MRPL50: variants seen among roughly 807,000 people sequenced by gnomAD.
MRPL50 encodes mitochondrial ribosomal protein L50.
MRPL50 carries 10 observed loss-of-function variants against 16.2 expected under a neutral mutation model. The observed-to-expected ratio is 0.62, with a 90% CI of 0.38 to 1.05. The LOEUF (loss-of-function observed/expected upper bound fraction) is 1.05, where lower values mean the gene tolerates loss of function less well. Ranked by LOEUF, MRPL50 falls within the 50% of genes least tolerant of loss-of-function variation. The probability of loss-of-function intolerance (pLI) is 0.01; values close to 1 mark genes in which losing one functional copy is unlikely to be tolerated. For synonymous variants in MRPL50, 68 were observed against 66.8 expected (o/e 1.02, Z -0.09); for missense variants, 213 against 187.1 (o/e 1.14, Z -0.81).
chr9:101,390,954 A>C, intron 1 of MRPL50, 104 bp from the exon 2 acceptor site: 1 of 1,219,528 alleles, frequency 8.2e-7, no homozygotes, highest in Non-Finnish European at 1.1e-6. Flanking sequence ...GCTGATTACC[A>C]CTGGGGACTA....
chr9:101,393,404 T>C (rs1300208126), intron 1 of MRPL50, among the ~76,000 whole-genome samples: 2 of 152,056 alleles, frequency 1.3e-5, no homozygotes, highest in South Asian at 2.1e-4. Flanking sequence ...ATAAAGTACA[T>C]CAAAATTGAA....
In MRPL50 at chr9:101,387,961, C is replaced by G. The variant is rs1166882771; in HGVS notation, c.*2505G>C. On this transcript the variant is annotated 3_prime_UTR_variant, in exon 2 of 2. Transcript: ENST00000374865. ...GTATTGAACTATAAACCAGTGATGC[C>G]CTCTAGTGGTACTGATGGACGTACA... The G allele has an allele frequency of 6.6e-6, 1 of 151,838 alleles. No homozygotes were observed. Among genetic ancestry groups the G allele is most frequent in the East Asian group, 1.9e-4 (1 of 5,180 alleles). The allele number at this position is 151,838 out of a possible 1,614,324, so 9.4% of individuals were successfully genotyped here.
chr9:101,389,638 T>A lies in MRPL50; in HGVS notation c.*828A>T. On this transcript the variant is annotated 3_prime_UTR_variant, in exon 2 of 2. Transcript: ENST00000374865. ...AAGCTTGAAAAAAAAATCCCAAATTTAACACCTTTGTCATTCAGAACCATC... is the reference window on the plus strand; with the variant it reads ...AAGCTTGAAAAAAAAATCCCAAATTAAACACCTTTGTCATTCAGAACCATC... 1 of 384,426 alleles carries A rather than the reference T, an allele frequency of 2.6e-6. No individual in the cohort carries two copies. Among genetic ancestry groups the A allele is most frequent in the Non-Finnish European group, 4.3e-6 (1 of 232,288 alleles). 23.8% of individuals were successfully genotyped at this position (384,426 alleles called of 1,614,324 possible).
At position 101,390,745 on chromosome 9, in the gene MRPL50, G is replaced by A. The variant is rs1238461482; in HGVS notation, c.198C>T (p.Leu66=). The A allele has an allele frequency of 3.1e-6, 5 of 1,613,662 alleles. No individual in the cohort carries two copies. The Middle Eastern group carries it at 4.9e-4, about 160-fold the overall frequency. The change falls in exon 2 of 2, where the codon CTC becomes CTT. Residue 66 remains leucine (L), a synonymous_variant. Coordinates refer to ENST00000374865, the MANE Select transcript of MRPL50 (RefSeq NM_019051.3). ...TAACGTAAGATTCCAAACGACTCTG[G>A]AGATCTTCAGGTGGTGTGTATGCTC... is the stretch of plus-strand genomic sequence containing the variant. ...RSRAYTPPED[L]QSRLESYVKE... is the part of the protein sequence containing the mutation.
intron 1 of MRPL50, among the ~76,000 whole-genome samples, chr9:101,393,237 C>T (rs35898491): frequency 2.4e-4 from 36 of 152,106 alleles, no homozygotes; most frequent in Admixed American, 2.1e-3. Flanking sequence ...GACAAACCCA[C>T]CAAACAAGGA....
chr9:101,390,920 A>G, intron 1 of MRPL50, 70 bp from the exon 2 acceptor site: 2 of 1,490,220 alleles, frequency 1.3e-6, no homozygotes, highest in Non-Finnish European at 1.8e-6. Flanking sequence ...AATCTTGCCT[A>G]CCAATCAAAA....
rs749073752 is a variant in MRPL50 at position 101,398,544 on chromosome 9, T to C, written c.49A>G (p.Thr17Ala). 126 of 1,613,982 alleles carry C rather than the reference T, an allele frequency of 7.8e-5. No individual in the cohort carries two copies. Among genetic ancestry groups the C allele is most frequent in the South Asian group, 2.4e-4 (22 of 91,086 alleles). The change falls in exon 1 of 2, where the codon ACA (threonine) becomes GCA (alanine). Residue 17 changes from threonine to alanine, a missense_variant. By Grantham distance (58) the Thr-to-Ala change is moderately conservative. Transcript: ENST00000374865. ...TCTCTACATGGTGTCCCTGAGACTGTCCACATGAAGACTCTTCTGGTAATG... is the reference window on the plus strand; with the variant it reads ...TCTCTACATGGTGTCCCTGAGACTGCCCACATGAAGACTCTTCTGGTAATG... ...SGITRRVFMW[T>A]VSGTPCREFW... is the part of the protein sequence containing the mutation.
At chr9:101,395,699 G>A (rs1373138248) in intron 1 of MRPL50, among the ~76,000 whole-genome samples, 3 of 149,994 alleles carry the variant, frequency 2.0e-5, no homozygotes, top group African/African-American at 7.4e-5. Context: ...GCTCCTATGT[G>A]TGAACCAAAA....
In MRPL50 at chr9:101,388,147, TC is replaced by T. The variant is rs1166627125; in HGVS notation, c.*2318del. The T allele has an allele frequency of 1.3e-5, 2 of 152,002 alleles. No homozygotes were observed. The highest frequency in any genetic ancestry group is 1.5e-5 in the Non-Finnish European group (1 of 67,972). The allele number at this position is 152,002 out of a possible 1,614,324, so 9.4% of individuals were successfully genotyped here. A position where few individuals can be genotyped will look rare whatever the true frequency, so the allele number is the denominator to read the frequency against. ...AAGCATGCAGAAGCTCAGGACCTACTCCAGACTTACCAAATCAGAATTTGCA... is the reference window on the plus strand; with the variant it reads ...AAGCATGCAGAAGCTCAGGACCTACTCAGACTTACCAAATCAGAATTTGCA... On this transcript the variant is annotated 3_prime_UTR_variant, in exon 2 of 2. Transcript: ENST00000374865.
chr9:101,394,938 T>A (rs1002297703), intron 1 of MRPL50, among the ~76,000 whole-genome samples: 8 of 152,088 alleles, frequency 5.3e-5, no homozygotes, highest in Admixed American at 5.2e-4. Context: ...AATGGGATTA[T>A]ATCAAACTAA....
In MRPL50 at chr9:101,398,501, C is replaced by T; in HGVS notation, c.92G>A (p.Arg31Lys). The T allele has an allele frequency of 6.2e-7, 1 of 1,613,744 alleles. No individual in the cohort carries two copies. Among genetic ancestry groups the T allele is most frequent in the Non-Finnish European group, 8.5e-7 (1 of 1,179,754 alleles). The change falls in exon 1 of 2, where the codon AGA becomes AAA. Residue 31 changes from arginine to lysine, a missense_variant and splice_region_variant. Coordinates refer to ENST00000374865, the MANE Select transcript of MRPL50 (RefSeq NM_019051.3). Reference sequence around the variant, plus strand: ...CCCACCGTCCACCATAAAGCTTTACCTGAATCGAGACCAAAATTCTCTACA... The same window carrying T: ...CCCACCGTCCACCATAAAGCTTTACTTGAATCGAGACCAAAATTCTCTACA... ...TPCREFWSRF[R>K]KEKEPVVVET...
At chr9:101,391,001 T>C in intron 1 of MRPL50, 151 bp from the exon 2 acceptor site, 2 of 816,620 alleles carry the variant, frequency 2.4e-6, no homozygotes, top group Admixed American at 2.7e-5. Flanking sequence ...CCCCTGCCCT[T>C]AGAACGTTCA....
At position 101,389,971 on chromosome 9, in the gene MRPL50, T is replaced by G. The variant is rs1313379995; in HGVS notation, c.*495A>C. The stretch of plus-strand genomic sequence containing the variant: ...AAAAATTTACAACACACAATACACT[T>G]TAACAAATCTACTTTAATTCTAAAA... On this transcript the variant is annotated 3_prime_UTR_variant, in exon 2 of 2. Coordinates refer to ENST00000374865, the MANE Select transcript of MRPL50 (RefSeq NM_019051.3). 8.8e-6 allele frequency: 8 copies of G among 908,150 alleles called. No individual in the cohort carries two copies. The African/African-American group carries it at 1.3e-4, about 14-fold the overall frequency. 56.3% of individuals were successfully genotyped at this position (908,150 alleles called of 1,614,324 possible).
intron 1 of MRPL50, among the ~76,000 whole-genome samples, chr9:101,397,685 G>T (rs1373541499): frequency 6.6e-6 from 1 of 152,176 alleles, no homozygotes; most frequent in Non-Finnish European, 1.5e-5. Context: ...ATTGACCAAA[G>T]AAGAGGGAAA....
chr9:101,396,701 T>G (rs1056836735), intron 1 of MRPL50, among the ~76,000 whole-genome samples: 1 of 152,158 alleles, frequency 6.6e-6, no homozygotes, highest in African/African-American at 2.4e-5. Flanking sequence ...CCCAGCACTT[T>G]GGGAGGCTGA....
intron 1 of MRPL50, among the ~76,000 whole-genome samples, chr9:101,394,129 A>C (rs963333421): frequency 6.6e-6 from 1 of 152,180 alleles, no homozygotes; most frequent in Non-Finnish European, 1.5e-5. Context: ...ACTCTGAAAC[A>C]AAATTGGTAA....
At chr9:101,391,289 C>T (rs933691631) in intron 1 of MRPL50, among the ~76,000 whole-genome samples, 4 of 152,080 alleles carry the variant, frequency 2.6e-5, no homozygotes, top group African/African-American at 4.8e-5. Flanking sequence ...CTTTTATCTT[C>T]ACCTATGGAA....
chr9:101,396,437 A>G (rs1830341116), intron 1 of MRPL50, among the ~76,000 whole-genome samples: 2 of 152,200 alleles, frequency 1.3e-5, no homozygotes, highest in South Asian at 4.1e-4. Context: ...GCTGAATAAA[A>G]TGCCATAAGT....
At chr9:101,392,507 G>C (rs191265534) in intron 1 of MRPL50, among the ~76,000 whole-genome samples, 6 of 151,682 alleles carry the variant, frequency 4.0e-5, no homozygotes, top group Admixed American at 6.6e-5. Context: ...ATTGTTACAA[G>C]CAACTATAAG....
Sources: gnomAD v4.1 joint callset for allele counts (sites outside exome capture counted in the v4.1 genomes callset) on GRCh38, gnomAD v4.1.1 for gene constraint, MANE v1.5 for transcripts, NCBI Gene and HGNC (gene_info 2026-07-23, HGNC 2026-07-21) for gene names.